The following LMNB2 variants were observed in gnomAD, a reference collection of about 807,000 sequenced individuals.
LMNB2 encodes the protein lamin B2.
Under a neutral mutation model 69.3 loss-of-function variants are expected in LMNB2, and 17 were observed. The ratio of observed to expected loss-of-function variants is 0.25; its 90% CI spans 0.17 to 0.37. The LOEUF (loss-of-function observed/expected upper bound fraction) is 0.37, where lower values mean the gene tolerates loss of function less well. LMNB2 is among the 10% of genes least tolerant of loss of function. The probability of loss-of-function intolerance (pLI) is 1.00; values close to 1 mark genes in which losing one functional copy is unlikely to be tolerated. For synonymous variants in LMNB2, 397 were observed against 389.3 expected, an observed-to-expected ratio of 1.02 and a Z score of -0.23; for missense variants, 789 against 883.6, an observed-to-expected ratio of 0.89 and a Z score of 1.36.
At chr19:2,434,575 TCC>T (rs1205789885) in intron 6 of LMNB2, 60 bp from the exon 7 acceptor site, 34 of 1,566,472 alleles carry the variant, frequency 2.2e-5, no homozygotes, top group Non-Finnish European at 3.0e-5. Flanking sequence ...GCCCAGGTGA[TCC>T]TGGGACTGCG....
rs1971697229 is a variant in LMNB2, at chr19:2,428,924, G to A, written c.*1987C>T. 1 of 152,168 alleles carries A rather than the reference G, an allele frequency of 6.6e-6. No homozygotes were observed. The allele number at this position is 152,168 out of a possible 1,614,324, so 9.4% of individuals were successfully genotyped here. On this transcript the variant is annotated 3_prime_UTR_variant, in exon 12 of 12. Transcript: ENST00000325327. ...TAGGACCACCCCCAGCTCCACCCAA[G>A]GCAAATGTAGGGTGGGGGGTTCTGT...
chr19:2,441,500 C>T (rs1971900292), intron 2 of LMNB2, among the ~76,000 whole-genome samples: 1 of 152,244 alleles, frequency 6.6e-6, no homozygotes, highest in Non-Finnish European at 1.5e-5. Context: ...GCACATGCCA[C>T]ACAGGCCAGG....
At chr19:2,438,681 G>C (rs555591956) in intron 2 of LMNB2, 150 bp from the exon 3 acceptor site, 1 of 930,352 alleles carries the variant, frequency 1.1e-6, no homozygotes, top group African/African-American at 1.7e-5. Flanking sequence ...GCGGCCCCAC[G>C]CGCCCAGGCA....
chr19:2,430,635 C>A lies in LMNB2; in HGVS notation c.*276G>T. On this transcript the variant is annotated 3_prime_UTR_variant, in exon 12 of 12. Transcript: ENST00000325327. ...CCTCCAAGCCCAAGCATCTTCTAAA[C>A]CTCCGGGTCCTGGCCCTGGGCTTCC... 5.6e-6 allele frequency: 3 copies of A among 536,378 alleles called. No individual in the cohort carries two copies. The highest frequency in any genetic ancestry group is 1.0e-5 in the Non-Finnish European group (3 of 295,132). The allele number at this position is 536,378 out of a possible 1,614,324, so 33.2% of individuals were successfully genotyped here.
In LMNB2 at chr19:2,430,865, T is replaced by C. The variant is rs1260025481; in HGVS notation, c.*46A>G. 1.6e-6 allele frequency: 2 copies of C among 1,255,864 alleles called. No individual in the cohort carries two copies. Among genetic ancestry groups the C allele is most frequent in the Admixed American group, 3.4e-5 (2 of 59,560 alleles). 77.8% of individuals were successfully genotyped at this position (1,255,864 alleles called of 1,614,324 possible). The stretch of plus-strand genomic sequence containing the variant: ...AAAGCCAATGATATAAAAATAGTTT[T>C]CAGTGGCTCTGGGTAAAGAAAGGTG... On this transcript the variant is annotated 3_prime_UTR_variant, in exon 12 of 12. Coordinates refer to ENST00000325327, the MANE Select transcript of LMNB2 (RefSeq NM_032737.4).
At chr19:2,444,739 T>G (rs1284308209) in intron 1 of LMNB2, among the ~76,000 whole-genome samples, 199 bp from the exon 2 acceptor site, 5 of 151,724 alleles carry the variant, frequency 3.3e-5, no homozygotes, top group Non-Finnish European at 7.4e-5. Context: ...TCGGGGAGGG[T>G]CCGGTAACCA....
chr19:2,453,626 G>C lies in LMNB2; in HGVS notation c.264+3044C>G, dbSNP rs1972055031. Reference sequence around the variant, plus strand: ...CCAGTGTGTCACCTGCTAAATGGCTGCCTTCACTGGAGTCAGACCCGCATT... The same window carrying C: ...CCAGTGTGTCACCTGCTAAATGGCTCCCTTCACTGGAGTCAGACCCGCATT... On this transcript the variant is annotated intron_variant, in intron 1 of 11. Transcript: ENST00000325327. This position sits in a 1 kb window ranked among gnomAD's most constrained non-coding sequence, Gnocchi z 4.4. Among the ~76,000 whole-genome samples, 2 of 152,176 alleles carry C rather than the reference G, an allele frequency of 1.3e-5. No homozygotes were observed. Among genetic ancestry groups the C allele is most frequent in the African/African-American group, 2.4e-5 (1 of 41,440 alleles).
At position 2,432,431 on chromosome 19, in the gene LMNB2, G is replaced by T. The variant is rs140216957; in HGVS notation, c.1575C>A (p.Ala525=). 1 of 1,602,018 alleles carries T rather than the reference G, an allele frequency of 6.2e-7. No homozygotes were observed. Among genetic ancestry groups the T allele is most frequent in the Non-Finnish European group, 8.5e-7 (1 of 1,173,234 alleles). Residue 525 remains alanine, a synonymous_variant, in exon 9 of 12, where the codon GCC becomes GCA. Coordinates refer to ENST00000325327, the MANE Select transcript of LMNB2 (RefSeq NM_032737.4). ...YKFTPKYILR[A]GQMVTVWAAG... Reference sequence around the variant, plus strand: ...CACCACCTACCGTGACCATCTGGCCGGCGCGCAGGATGTACTTGGGCGTGA... The same window carrying T: ...CACCACCTACCGTGACCATCTGGCCTGCGCGCAGGATGTACTTGGGCGTGA...
intron 1 of LMNB2, 87 bp downstream of exon 1, chr19:2,456,583 C>A (rs1972093022): frequency 1.6e-6 from 2 of 1,277,598 alleles, no homozygotes; most frequent in Middle Eastern, 3.1e-4. Flanking sequence ...TCTGCACCCC[C>A]GCCCAGGGTC....
Position 2,434,113 on chromosome 19 carries a change from G to A in LMNB2, c.1203-8C>T, listed in dbSNP as rs1435688637. On this transcript the variant is annotated splice_polypyrimidine_tract_variant and splice_region_variant and intron_variant, in intron 7 of 11. Coordinates refer to ENST00000325327, the MANE Select transcript of LMNB2 (RefSeq NM_032737.4). ...CTGGGGGACAGCTTCAGCCTGTGGG[G>A]AAGGCAAGGAAGGTGGGACTGGTAG... is the stretch of plus-strand genomic sequence containing the variant. 3.2e-6 allele frequency: 5 copies of A among 1,577,440 alleles called. No homozygotes were observed. The African/African-American group carries it at 5.4e-5, about 17-fold the overall frequency.
intron 2 of LMNB2, 112 bp from the exon 3 acceptor site, chr19:2,438,643 C>T: frequency 7.5e-7 from 1 of 1,325,116 alleles, no homozygotes; most frequent in Middle Eastern, 2.7e-4. Context: ...GGCCTCCGAG[C>T]CCCAGACCTT....
At chr19:2,446,367 G>A (rs977566163) in intron 1 of LMNB2, among the ~76,000 whole-genome samples, 1 of 151,796 alleles carries the variant, frequency 6.6e-6, no homozygotes, top group Admixed American at 6.6e-5. Context: ...TAAGCCCCGC[G>A]CAAAGCCCCC....
intron 1 of LMNB2, among the ~76,000 whole-genome samples, chr19:2,452,307 G>A (rs556538627): frequency 3.9e-5 from 6 of 152,186 alleles, no homozygotes; most frequent in Admixed American, 6.6e-5. Flanking sequence ...GGTGGTGGGC[G>A]CCTGTAATCC....
At position 2,438,389 on chromosome 19, in the gene LMNB2, C is replaced by A; in HGVS notation, c.544G>T (p.Ala182Ser). 2 of 1,612,962 alleles carry A rather than the reference C, an allele frequency of 1.2e-6. No homozygotes were observed. Among genetic ancestry groups the A allele is most frequent in the Non-Finnish European group, 1.7e-6 (2 of 1,179,892 alleles). Residue 182 changes from alanine to serine, a missense_variant, in exon 3 of 12, where the codon GCC (alanine) becomes TCC (serine). This residue lies in a region of LMNB2 where 609 missense variants were observed against 630.9 expected (regional missense o/e 0.97). Transcript: ENST00000325327. ...GLESDVAELR[A>S]QLAKAEDGHA... is the part of the protein sequence containing the mutation. ...CTGGCACCTACCTTGGCCAGCTGGG[C>A]CCGCAGCTCAGCCACGTCACTCTCC...
At position 2,440,518 on chromosome 19, in the gene LMNB2, C is replaced by CT. The variant is rs1971886272; in HGVS notation, c.402-1988dup. Reference sequence around the variant, plus strand: ...CAGATAGCTATATCTATCTATTGCTCTATCTATTACTGTCTATCCATCTAC... The same window carrying CT: ...CAGATAGCTATATCTATCTATTGCTCTTATCTATTACTGTCTATCCATCTAC... On this transcript the variant is annotated intron_variant, in intron 2 of 11. Coordinates refer to ENST00000325327, the MANE Select transcript of LMNB2 (RefSeq NM_032737.4). Among the ~76,000 whole-genome samples the CT allele has an allele frequency of 1.3e-5, 2 of 152,142 alleles. 1 individual carries two copies. The highest frequency in any genetic ancestry group is 2.9e-5 in the Non-Finnish European group (2 of 68,006).
intron 2 of LMNB2, among the ~76,000 whole-genome samples, chr19:2,442,069 C>T (rs890943967): frequency 2.6e-5 from 4 of 152,162 alleles, no homozygotes; most frequent in South Asian, 2.1e-4. Context: ...GCTGGGTGCC[C>T]GGGGTTTTGT....
Position 2,430,741 on chromosome 19 carries a change from G to T in LMNB2, c.*170C>A, listed in dbSNP as rs1326708778. 4 of 704,360 alleles carry T rather than the reference G, an allele frequency of 5.7e-6. No homozygotes were observed. The highest frequency in any genetic ancestry group is 1.1e-5 in the Non-Finnish European group (4 of 379,026). 43.6% of individuals were successfully genotyped at this position (704,360 alleles called of 1,614,324 possible). A position where few individuals can be genotyped will look rare whatever the true frequency, so the allele number is the denominator to read the frequency against. On this transcript the variant is annotated 3_prime_UTR_variant, in exon 12 of 12. Transcript: ENST00000325327. ...AGCGGCGAAGTGGCAGCGAAGTGAG[G>T]CTGGAGGAGACCCGCCAGGAGGGAG...
rs750707881 is a variant in LMNB2 at position 2,434,780 on chromosome 19, CTCA to C, written c.981+5_981+7del. ...GGGGACGGCAGACGGTGGCGCTGTG[CTCA>C]TCACCTGCTTCTGGAGGCCGGAGAG... On this transcript the variant is annotated splice_donor_5th_base_variant and intron_variant, in intron 6 of 11. Coordinates refer to ENST00000325327, the MANE Select transcript of LMNB2 (RefSeq NM_032737.4). 6.2e-7 allele frequency: 1 copy of C among 1,603,454 alleles called. No individual in the cohort carries two copies. Among genetic ancestry groups the C allele is most frequent in the East Asian group, 2.2e-5 (1 of 44,488 alleles).
intron 9 of LMNB2, among the ~76,000 whole-genome samples, 162 bp from the exon 10 acceptor site, chr19:2,432,064 G>A (rs1000520887): frequency 4.1e-5 from 6 of 145,424 alleles, no homozygotes; most frequent in African/African-American, 1.5e-4. Flanking sequence ...GGATACACAA[G>A]AAGAGACCAG....
Sources: allele counts gnomAD v4.1 joint callset (sites outside exome capture counted in the v4.1 genomes callset), GRCh38; gene constraint gnomAD v4.1.1; regional missense constraint gnomAD v4.1.1; non-coding constraint Gnocchi (gnomAD v3.1); transcripts MANE v1.5; gene names NCBI Gene and HGNC (gene_info 2026-07-23, HGNC 2026-07-21).